Variants in FOXN3 observed in about 807,000 individuals in gnomAD.
The protein encoded by FOXN3 is forkhead box N3, also known as forkhead box protein N3.
In FOXN3, 7 loss-of-function variants were observed where a neutral mutation model predicts 38.4. That is an observed-to-expected ratio of 0.18 (90% CI 0.10 to 0.34). FOXN3 has a LOEUF of 0.34. Ranked by LOEUF, FOXN3 falls within the 10% of genes least tolerant of loss-of-function variation. FOXN3 has a pLI of 1.00. For synonymous variants in FOXN3, 230 were observed against 242.2 expected (o/e 0.95, Z 0.47); for missense variants, 456 against 613.4 (o/e 0.74, Z 2.71).
chr14:89,393,058 G>A (rs920685027), intron 2 of FOXN3, among the ~76,000 whole-genome samples: 1 of 151,730 alleles, frequency 6.6e-6, no homozygotes, highest in Non-Finnish European at 1.5e-5. Context: ...GCCCACTTCG[G>A]CCTCCCACAG....
At chr14:89,550,552 A>C (rs2139862189) in intron 1 of FOXN3, among the ~76,000 whole-genome samples, 1 of 152,290 alleles carries the variant, frequency 6.6e-6, no homozygotes, top group African/African-American at 2.4e-5. Flanking sequence ...AAAACTGAAA[A>C]AGAGAGACAG....
At chr14:89,254,172 C>A (rs1419893750) in intron 4 of FOXN3, among the ~76,000 whole-genome samples, 1 of 152,178 alleles carries the variant, frequency 6.6e-6, no homozygotes, top group Non-Finnish European at 1.5e-5. Context: ...CCCTTCCTCA[C>A]ACGTTTCTGT....
chr14:89,187,727 C>T (rs1330315953), intron 4 of FOXN3, among the ~76,000 whole-genome samples: 1 of 152,184 alleles, frequency 6.6e-6, no homozygotes, highest in African/African-American at 2.4e-5. Flanking sequence ...GAGCTAACCA[C>T]AAGCTGCAGA....
intron 1 of FOXN3, among the ~76,000 whole-genome samples, chr14:89,483,478 G>C (rs1893383997): frequency 6.6e-6 from 1 of 152,084 alleles, no homozygotes; most frequent in Admixed American, 6.5e-5. Context: ...GCGCGATCTC[G>C]GCTCACTGCA....
chr14:89,468,177 G>A (rs557190971), intron 1 of FOXN3, among the ~76,000 whole-genome samples: 1 of 151,872 alleles, frequency 6.6e-6, no homozygotes, highest in East Asian at 1.9e-4. Context: ...TTACAGGCTG[G>A]GCCCAGTGAC....
chr14:89,500,269 G>A (rs1893768992), intron 1 of FOXN3, among the ~76,000 whole-genome samples: 1 of 152,166 alleles, frequency 6.6e-6, no homozygotes, highest in Non-Finnish European at 1.5e-5. Flanking sequence ...AGCCACCGTT[G>A]TGTGTTTGGA....
chr14:89,595,780 G>A (rs928474918), intron 1 of FOXN3, among the ~76,000 whole-genome samples: 34 of 152,264 alleles, frequency 2.2e-4, no homozygotes, highest in South Asian at 6.2e-4. Flanking sequence ...CTCTCAAAGG[G>A]AAACTTTCAA....
intron 4 of FOXN3, among the ~76,000 whole-genome samples, chr14:89,250,171 T>A (rs1351890329): frequency 6.6e-6 from 1 of 152,212 alleles, no homozygotes; most frequent in Non-Finnish European, 1.5e-5. Context: ...AGTACAGTGG[T>A]GCAATCACAG....
At chr14:89,421,585 G>A (rs1273808258), upstream of FOXN3, among the ~76,000 whole-genome samples, 1 of 149,562 alleles carries the variant, frequency 6.7e-6, no homozygotes, top group East Asian at 2.0e-4. Flanking sequence ...GGAGTGCAGT[G>A]GCGCCATCTT....
intron 3 of FOXN3, among the ~76,000 whole-genome samples, chr14:89,307,386 A>C (rs1036277890): frequency 1.3e-5 from 2 of 152,172 alleles, no homozygotes; most frequent in African/African-American, 4.8e-5. Flanking sequence ...TTTTAAGCTG[A>C]AATAATTCTG....
intron 2 of FOXN3, among the ~76,000 whole-genome samples, chr14:89,399,249 G>A (rs741274): frequency 0.14 from 21,346 of 152,128 alleles, 1,820 homozygotes; most frequent in East Asian, 0.34. Flanking sequence ...ACTGGGCACT[G>A]GAACCATCAC....
intron 1 of FOXN3, among the ~76,000 whole-genome samples, chr14:89,486,114 C>G (rs771319245): frequency 6.6e-6 from 1 of 152,140 alleles, no homozygotes; most frequent in African/African-American, 2.4e-5. Context: ...TAGGAGCCAG[C>G]CTTCTACTTT....
chr14:89,452,289 C>A (rs1037332982), intron 1 of FOXN3, among the ~76,000 whole-genome samples: 1 of 152,172 alleles, frequency 6.6e-6, no homozygotes, highest in African/African-American at 2.4e-5. Context: ...CCCTAACAAA[C>A]CTTCCAAGGA....
In FOXN3 at chr14:89,333,966, GTATA is replaced by G. The variant is rs71130055; in HGVS notation, c.680+16702_680+16705del. Among the ~76,000 whole-genome samples the G allele has an allele frequency of 2.5e-3, 335 of 131,488 alleles. 2 individuals carry two copies. Among genetic ancestry groups the G allele is most frequent in the African/African-American group, 5.5e-3 (188 of 34,206 alleles). The allele number at this position is 131,488 out of a possible 152,430, so 86.3% of individuals were successfully genotyped here. A position where few individuals can be genotyped will look rare whatever the true frequency, so the allele number is the denominator to read the frequency against. On this transcript the variant is annotated intron_variant, in intron 3 of 5. Coordinates refer to ENST00000557258, the MANE Select transcript of FOXN3 (RefSeq NM_005197.4). ...TAAATTAATGAAGAAAATGTGGTGT[GTATA>G]TATATATATATATATATATATATAT...
intron 1 of FOXN3, among the ~76,000 whole-genome samples, chr14:89,519,398 G>A (rs1894275374): frequency 6.6e-6 from 1 of 152,190 alleles, no homozygotes; most frequent in Non-Finnish European, 1.5e-5. Context: ...GAAAAAGAGT[G>A]TGAGGGCCGC....
intron 4 of FOXN3, among the ~76,000 whole-genome samples, chr14:89,251,260 C>A (rs182189322): frequency 6.6e-6 from 1 of 152,306 alleles, no homozygotes; most frequent in Admixed American, 6.5e-5. Context: ...CACAGCACAC[C>A]CATGCAAGTA....
intron 4 of FOXN3, among the ~76,000 whole-genome samples, chr14:89,246,539 C>T (rs1297046386): frequency 2.6e-5 from 1 of 38,490 alleles, no homozygotes; most frequent in Non-Finnish European, 5.6e-5. Context: ...TTGCAGGATG[C>T]GGCTTTTTTT....
chr14:89,287,310 T>C (rs900120697), intron 3 of FOXN3, among the ~76,000 whole-genome samples: 2 of 152,088 alleles, frequency 1.3e-5, no homozygotes, highest in East Asian at 1.9e-4. Flanking sequence ...TGCACCACCA[T>C]GCCTGGCTAC....
At position 89,184,499 on chromosome 14, in the gene FOXN3, C is replaced by T. The variant is rs114963687; in HGVS notation, c.746-3693G>A. On this transcript the variant is annotated intron_variant, in intron 4 of 5. Transcript: ENST00000557258. ...AGGAAAACTAGGAAAGGAAGCCAGT[C>T]GTCACCAAGTTCCTACTGGAGACCA... is the stretch of plus-strand genomic sequence containing the variant. Among the ~76,000 whole-genome samples, 743 of 152,342 alleles carry T rather than the reference C, an allele frequency of 4.9e-3. 6 individuals carry two copies. The highest frequency in any genetic ancestry group is 0.017 in the African/African-American group (712 of 41,568).
Sources: allele counts gnomAD v4.1 joint callset (sites outside exome capture counted in the v4.1 genomes callset), GRCh38; gene constraint gnomAD v4.1.1; transcripts MANE v1.5; gene names NCBI Gene and HGNC (gene_info 2026-07-23, HGNC 2026-07-21).